TYW1B: variants seen among roughly 807,000 people sequenced by gnomAD.
TYW1B encodes the protein tRNA-yW synthesizing protein 1 homolog B.
TYW1B carries 73 observed loss-of-function variants against 86.9 expected under a neutral mutation model. The observed-to-expected ratio is 0.84, with a 90% CI of 0.70 to 1.02. The LOEUF (loss-of-function observed/expected upper bound fraction) is 1.02. TYW1B is among the 50% of genes least tolerant of loss of function. TYW1B has a pLI of 0.00. For synonymous variants in TYW1B, 248 were observed against 292.8 expected, an observed-to-expected ratio of 0.85 and a Z score of 1.56; for missense variants, 637 against 827.4, an observed-to-expected ratio of 0.77 and a Z score of 2.82.
intron 13 of TYW1B, among the ~76,000 whole-genome samples, chr7:72,606,351 C>T (rs1343613542): frequency 1.3e-5 from 2 of 152,144 alleles, no homozygotes; most frequent in African/African-American, 4.8e-5. Flanking sequence ...GAGTGGGGAA[C>T]CTAGACTCCC....
chr7:72,577,291 G>C lies in TYW1B; in HGVS notation c.1786-1572C>G, dbSNP rs139983442. ...ATCTGATTTTTTACCCACTAGCTAA[G>C]AGCTTTCTAGGGGGAAAATGCTGAA... On this transcript the variant is annotated intron_variant, in intron 13 of 13. Transcript: ENST00000620995. Among the ~76,000 whole-genome samples the C allele has an allele frequency of 1.4e-3, 212 of 152,062 alleles. 4 individuals carry two copies. In the East Asian group the frequency reaches 0.039, roughly 28 times the overall value.
chr7:72,823,017 T>C (rs1304582306), intron 2 of TYW1B: 2 of 151,694 alleles, frequency 1.3e-5, no homozygotes, highest in Admixed American at 6.6e-5. Flanking sequence ...TCCTTTTTTT[T>C]TTTTGTTTGA....
At chr7:72,778,333 A>G (rs1381683032) in intron 6 of TYW1B, among the ~76,000 whole-genome samples, 1 of 152,226 alleles carries the variant, frequency 6.6e-6, no homozygotes, top group African/African-American at 2.4e-5. Context: ...TGCTGCTGGT[A>G]TTACATCTCT....
intron 7 of TYW1B, among the ~76,000 whole-genome samples, chr7:72,745,168 G>A (rs1192235475): frequency 2.6e-5 from 4 of 152,138 alleles, no homozygotes; most frequent in African/African-American, 9.7e-5. Context: ...GGGACTATGG[G>A]TGTGAGCCAC....
At chr7:72,672,462 A>G (rs1466168493) in intron 11 of TYW1B, among the ~76,000 whole-genome samples, 1 of 110,582 alleles carries the variant, frequency 9.0e-6, no homozygotes, top group African/African-American at 3.5e-5. Context: ...TTATTTGGGC[A>G]TACACACACA....
At chr7:72,630,593 T>C (rs1467541189) in intron 11 of TYW1B, among the ~76,000 whole-genome samples, 1 of 151,778 alleles carries the variant, frequency 6.6e-6, no homozygotes, top group African/African-American at 2.4e-5. Flanking sequence ...CCAACATTAA[T>C]AAAAAAGAAG....
At chr7:72,821,452 A>G (rs1563106405) in intron 2 of TYW1B, among the ~76,000 whole-genome samples, 3 of 152,398 alleles carry the variant, frequency 2.0e-5, no homozygotes, top group Admixed American at 1.3e-4. Flanking sequence ...AATTATTTCA[A>G]AACAATTCTG....
At chr7:72,808,281 T>C (rs1788533738) in intron 4 of TYW1B, among the ~76,000 whole-genome samples, 1 of 151,706 alleles carries the variant, frequency 6.6e-6, no homozygotes, top group Admixed American at 6.6e-5. Flanking sequence ...TAAAACCCCA[T>C]CTCTACAAAA....
Position 72,713,946 on chromosome 7 carries a change from G to A in TYW1B, c.1193-148C>T, listed in dbSNP as rs1282097263. 5 of 503,778 alleles carry A rather than the reference G, an allele frequency of 9.9e-6. No individual in the cohort carries two copies. The East Asian group carries it at 1.5e-4, about 16-fold the overall frequency. The allele number at this position is 503,778 out of a possible 1,614,324, so 31.2% of individuals were successfully genotyped here. A position where few individuals can be genotyped will look rare whatever the true frequency, so the allele number is the denominator to read the frequency against. ...AAGGCTAAAGGGCAGGGCAGGACTAGAATTATTAAATCAGAAAAATCAGTC... is the reference window on the plus strand; with the variant it reads ...AAGGCTAAAGGGCAGGGCAGGACTAAAATTATTAAATCAGAAAAATCAGTC... On this transcript the variant is annotated intron_variant, in intron 9 of 13. Coordinates refer to ENST00000620995, the MANE Select transcript of TYW1B (RefSeq NM_001145440.3).
intron 11 of TYW1B, among the ~76,000 whole-genome samples, chr7:72,692,080 C>A (rs1213791302): frequency 6.6e-6 from 1 of 151,552 alleles, no homozygotes; most frequent in Non-Finnish European, 1.5e-5. Context: ...GTGGTACGCA[C>A]CTGTAATCCT....
chr7:72,679,687 C>T (rs1191557600), intron 11 of TYW1B, among the ~76,000 whole-genome samples: 17 of 151,906 alleles, frequency 1.1e-4, no homozygotes, highest in African/African-American at 2.2e-4. Context: ...ATGGTAAAAA[C>T]GTAATTTTTT....
At chr7:72,707,269 C>A (rs1814636314) in intron 10 of TYW1B, among the ~76,000 whole-genome samples, 2 of 152,244 alleles carry the variant, frequency 1.3e-5, no homozygotes, top group Admixed American at 1.3e-4. Context: ...TCTTTGAAAC[C>A]CTGCCACCCT....
intron 13 of TYW1B, among the ~76,000 whole-genome samples, chr7:72,602,026 C>T (rs1554433867): frequency 6.6e-6 from 1 of 152,076 alleles, no homozygotes; most frequent in African/African-American, 2.4e-5. Context: ...AGCTGAAATG[C>T]TGAATCTTAA....
intron 10 of TYW1B, among the ~76,000 whole-genome samples, chr7:72,700,325 C>T (rs1419222208): frequency 4.0e-5 from 6 of 151,832 alleles, no homozygotes; most frequent in East Asian, 1.9e-4. Flanking sequence ...TAGGCACCCA[C>T]CACCACGCCC....
intron 13 of TYW1B, among the ~76,000 whole-genome samples, chr7:72,589,119 G>A (rs1811339462): frequency 6.6e-6 from 1 of 152,124 alleles, no homozygotes; most frequent in Non-Finnish European, 1.5e-5. Context: ...AGCTAGACTT[G>A]TACTCGTTTA....
At chr7:72,575,812 T>G (rs1346601021) in intron 13 of TYW1B, 93 bp from the exon 14 acceptor site, 2 of 1,542,988 alleles carry the variant, frequency 1.3e-6, no homozygotes, top group Non-Finnish European at 1.7e-6. Context: ...GTCTGATCTT[T>G]TCTCCCTATC....
At chr7:72,657,249 G>GA (rs1295120030) in intron 11 of TYW1B, among the ~76,000 whole-genome samples, 1 of 152,074 alleles carries the variant, frequency 6.6e-6, no homozygotes, top group Non-Finnish European at 1.5e-5. Flanking sequence ...TAGAGTGGAA[G>GA]AAAGAACTTC....
intron 2 of TYW1B, among the ~76,000 whole-genome samples, chr7:72,823,594 T>TGGC (rs1274629996): frequency 1.3e-5 from 2 of 151,648 alleles, no homozygotes; most frequent in Admixed American, 1.3e-4. Context: ...CACTCCAGCC[T>TGGC]GGCGACACAG....
At position 72,826,221 on chromosome 7, in the gene TYW1B, G is replaced by A. The variant is rs548223341; in HGVS notation, c.135+634C>T. Among the ~76,000 whole-genome samples the A allele has an allele frequency of 1.6e-4, 25 of 152,312 alleles. No homozygotes were observed. The South Asian group carries it at 5.0e-3, about 30-fold the overall frequency. On this transcript the variant is annotated intron_variant, in intron 2 of 13. Transcript: ENST00000620995. ...GCTGCTTTTGGAACAGATTTTTCCT[G>A]TAAGTTCCTGCCCTTGAAGACAAAT...
Sources: gnomAD v4.1 joint callset for allele counts (sites outside exome capture counted in the v4.1 genomes callset) on GRCh38, gnomAD v4.1.1 for gene constraint, MANE v1.5 for transcripts, NCBI Gene and HGNC (gene_info 2026-07-23, HGNC 2026-07-21) for gene names.